RAPGEFL1: variants seen among roughly 807,000 people sequenced by gnomAD.
RAPGEFL1 encodes the protein Rap guanine nucleotide exchange factor like 1.
A neutral mutation model predicts 64.4 loss-of-function variants in RAPGEFL1; 31 were observed. That is an observed-to-expected ratio of 0.48 (90% CI 0.36 to 0.65). RAPGEFL1 has a LOEUF of 0.65. Among genes scored for constraint, RAPGEFL1 ranks in the 30% least tolerant of loss-of-function variants. RAPGEFL1 has a pLI of 0.00. For missense variants in RAPGEFL1, 682 were observed against 677.4 expected, an observed-to-expected ratio of 1.01 and a Z score of -0.08; for synonymous variants, 331 against 274.1, an observed-to-expected ratio of 1.21 and a Z score of -2.05.
chr17:40,177,131 G>T (rs1278214537), upstream of RAPGEFL1: 1 of 702,480 alleles, frequency 1.4e-6, no homozygotes, highest in Non-Finnish European at 2.6e-6. Context: ...CTGTGAGTAT[G>T]AGAAAGGTGC....
intron 13 of RAPGEFL1, 89 bp downstream of exon 13, chr17:40,193,079 T>G: frequency 7.9e-7 from 1 of 1,259,596 alleles, no homozygotes; most frequent in East Asian, 2.3e-5. Context: ...AATAGCAGCC[T>G]TCCTCCAAGT....
intron 6 of RAPGEFL1, among the ~76,000 whole-genome samples, chr17:40,190,171 T>A (rs147269333): frequency 6.6e-6 from 1 of 152,318 alleles, no homozygotes; most frequent in East Asian, 1.9e-4. Context: ...GGAAAAAATT[T>A]CAGCCTTCCC....
intron 14 of RAPGEFL1, 34 bp from the exon 15 acceptor site, chr17:40,193,630 G>C (rs754180740): frequency 1.2e-6 from 2 of 1,613,824 alleles, no homozygotes; most frequent in Non-Finnish European, 1.7e-6. Context: ...AGGGAAGCTG[G>C]GAACCTGACT....
intron 4 of RAPGEFL1, 59 bp from the exon 5 acceptor site, chr17:40,188,807 G>C (rs540820736): frequency 7.5e-7 from 1 of 1,325,044 alleles, no homozygotes; most frequent in East Asian, 2.3e-5. Flanking sequence ...TTGCCTGCTT[G>C]GTGTTGGTTG....
chr17:40,185,981 G>A (rs1468566652), intron 4 of RAPGEFL1, among the ~76,000 whole-genome samples: 1 of 150,700 alleles, frequency 6.6e-6, no homozygotes, highest in Non-Finnish European at 1.5e-5. Context: ...AAAAAAAAAG[G>A]CCGGGTGCGG....
At chr17:40,183,058 G>GA (rs772639192) in intron 2 of RAPGEFL1, among the ~76,000 whole-genome samples, 9 of 152,150 alleles carry the variant, frequency 5.9e-5, no homozygotes, top group Non-Finnish European at 1.3e-4. Flanking sequence ...TGAGGCAGGA[G>GA]AATCGCTTGA....
Position 40,178,269 on chromosome 17 carries a change from C to A in RAPGEFL1, c.408C>A (p.Pro136=). The A allele has an allele frequency of 1.5e-6, 1 of 652,130 alleles. No homozygotes were observed. 40.4% of individuals were successfully genotyped at this position (652,130 alleles called of 1,614,324 possible). A position where few individuals can be genotyped will look rare whatever the true frequency, so the allele number is the denominator to read the frequency against. Residue 136 remains proline (P), a synonymous_variant, in exon 1 of 15, where the codon CCC becomes CCA. Transcript: ENST00000620260. ...YSSDELSPGE[P]LTSPPWAPLG... Reference sequence around the variant, plus strand: ...CTGACGAGCTGTCCCCAGGCGAGCCCTTGACTTCGCCGCCCTGGGCCCCTC... The same window carrying A: ...CTGACGAGCTGTCCCCAGGCGAGCCATTGACTTCGCCGCCCTGGGCCCCTC...
Position 40,184,657 on chromosome 17 carries a change from T to A in RAPGEFL1, c.812T>A (p.Leu271Gln). Residue 271 changes from leucine (L) to glutamine (Q), a missense_variant, in exon 4 of 15, where the codon CTG becomes CAG. This residue lies in a region of RAPGEFL1 where 271 missense variants were observed against 158.0 expected (regional missense o/e 1.72). Transcript: ENST00000620260. ...GAGGACACTCTGAGGCTGCACCAGCTGGTGGAGACGGTGGAACTAAAGTGA... is the reference window on the plus strand; with the variant it reads ...GAGGACACTCTGAGGCTGCACCAGCAGGTGGAGACGGTGGAACTAAAGTGA... ...LREDTLRLHQ[L>Q]VETVELKIPE... 6.3e-7 allele frequency: 1 copy of A among 1,583,734 alleles called. No homozygotes were observed.
Position 40,194,048 on chromosome 17 carries a change from A to C in RAPGEFL1, c.*260A>C. ...AAGGGGATAGAAAGCTCCTTCCTCT[A>C]TGTCCTCCCATCGAGATCTGTTCTG... On this transcript the variant is annotated 3_prime_UTR_variant, in exon 15 of 15. Coordinates refer to ENST00000620260, the MANE Select transcript of RAPGEFL1 (RefSeq NM_016339.6). 4.8e-6 allele frequency: 2 copies of C among 412,998 alleles called. No individual in the cohort carries two copies. Among genetic ancestry groups the C allele is most frequent in the Non-Finnish European group, 9.0e-6 (2 of 222,566 alleles). The allele number at this position is 412,998 out of a possible 1,614,324, so 25.6% of individuals were successfully genotyped here. A position where few individuals can be genotyped will look rare whatever the true frequency, so the allele number is the denominator to read the frequency against.
intron 4 of RAPGEFL1, 159 bp from the exon 5 acceptor site, chr17:40,188,707 A>C: frequency 1.6e-6 from 1 of 637,696 alleles, no homozygotes; most frequent in East Asian, 2.7e-5. Flanking sequence ...ATTATCCCAT[A>C]CTGCTCATTG....
In RAPGEFL1 at chr17:40,189,259, G is replaced by A. The variant is rs963108388; in HGVS notation, c.998G>A (p.Arg333His). ...CACTCTTATGTGACCATACGCAGCC[G>A]CCTTTCAGCATCTGTGCAGGACATT... ...PDHSYVTIRSRLSASVQDILG... is the reference protein window; with the variant it reads ...PDHSYVTIRSHLSASVQDILG... Residue 333 changes from arginine to histidine, a missense_variant, in exon 6 of 15, where the codon CGC becomes CAC. Arg to His is a conservative substitution (Grantham distance 29). Coordinates refer to ENST00000620260, the MANE Select transcript of RAPGEFL1 (RefSeq NM_016339.6). 15 of 1,614,128 alleles carry A rather than the reference G, an allele frequency of 9.3e-6. No individual in the cohort carries two copies. The highest frequency in any genetic ancestry group is 4.5e-5 in the East Asian group (2 of 44,886).
At chr17:40,181,782 C>T (rs954995711) in intron 2 of RAPGEFL1, 88 bp downstream of exon 2, 12 of 680,616 alleles carry the variant, frequency 1.8e-5, no homozygotes, top group Non-Finnish European at 3.2e-5. Context: ...TAAACTCTCC[C>T]CTAGGAAACA....
At chr17:40,193,213 T>C in intron 13 of RAPGEFL1, 150 bp from the exon 14 acceptor site, 1 of 982,354 alleles carries the variant, frequency 1.0e-6, no homozygotes, top group Non-Finnish European at 1.6e-6. Flanking sequence ...CATGGCACTC[T>C]GTTACACCCA....
At chr17:40,186,428 C>T (rs1312362695) in intron 4 of RAPGEFL1, among the ~76,000 whole-genome samples, 3 of 149,498 alleles carry the variant, frequency 2.0e-5, no homozygotes, top group Non-Finnish European at 4.4e-5. Context: ...ATTAGCCGGG[C>T]GCGGTGGCGG....
chr17:40,189,020 TCA>T (rs1008641425), intron 5 of RAPGEFL1, 42 bp downstream of exon 5: 4 of 1,565,308 alleles, frequency 2.6e-6, no homozygotes, highest in East Asian at 2.3e-5. Context: ...CCTGAGTGGC[TCA>T]GGGGGACATA....
chr17:40,193,561 C>T, intron 14 of RAPGEFL1, 103 bp from the exon 15 acceptor site: 1 of 1,593,678 alleles, frequency 6.3e-7, no homozygotes, highest in East Asian at 2.2e-5. Context: ...GGCCTTCCTG[C>T]CCAACATCTG....
chr17:40,183,437 C>T (rs1989952363), intron 2 of RAPGEFL1, among the ~76,000 whole-genome samples: 4 of 150,170 alleles, frequency 2.7e-5, no homozygotes, highest in South Asian at 2.1e-4. Context: ...TCAGGACCAC[C>T]GAAACTCCTT....
rs749864549 is a variant in RAPGEFL1 at position 40,190,424 on chromosome 17, T to C, written c.1115-10T>C. 6.2e-7 allele frequency: 1 copy of C among 1,613,352 alleles called. No individual in the cohort carries two copies. Among genetic ancestry groups the C allele is most frequent in the African/African-American group, 1.3e-5 (1 of 74,870 alleles). On this transcript the variant is annotated splice_polypyrimidine_tract_variant and intron_variant, in intron 6 of 14. Coordinates refer to ENST00000620260, the MANE Select transcript of RAPGEFL1 (RefSeq NM_016339.6). ...CAGGGGCCGAGGATGAGCAGCTCTT[T>C]CTCCTGCAGAGAAGGTCCTTCTCCA... is the stretch of plus-strand genomic sequence containing the variant.
intron 1 of RAPGEFL1, chr17:40,181,258 CTT>C (rs1989885087): frequency 2.1e-6 from 1 of 467,020 alleles, no homozygotes; most frequent in South Asian, 1.5e-5. Context: ...TGGAAATACT[CTT>C]TGTCTGGAGA....
Sources: gnomAD v4.1 joint callset for allele counts (sites outside exome capture counted in the v4.1 genomes callset) on GRCh38, gnomAD v4.1.1 for gene constraint, gnomAD v4.1.1 regional missense constraint, MANE v1.5 for transcripts, NCBI Gene and HGNC (gene_info 2026-07-23, HGNC 2026-07-21) for gene names.